Variants in NCOR2 observed in about 807,000 individuals in gnomAD.
NCOR2 encodes the protein CTG repeat protein 26.
Under a neutral mutation model 262.9 loss-of-function variants are expected in NCOR2, and 81 were observed. The observed-to-expected ratio is 0.31, with a 90% CI of 0.26 to 0.37. The LOEUF (loss-of-function observed/expected upper bound fraction) is 0.37, where lower values mean the gene tolerates loss of function less well. Ranked by LOEUF, NCOR2 falls within the 10% of genes least tolerant of loss-of-function variation. NCOR2 has a pLI of 1.00. For synonymous variants in NCOR2, 1,659 were observed against 1,559.3 expected (o/e 1.06, Z -1.51); for missense variants, 3,385 against 3,621.4 (o/e 0.93, Z 1.68).
At chr12:124,494,787 C>G (rs1490314117) in intron 1 of NCOR2, among the ~76,000 whole-genome samples, 2 of 152,176 alleles carry the variant, frequency 1.3e-5, no homozygotes. Flanking sequence ...CCACCCCAAT[C>G]CTACCCAATA....
At chr12:124,544,996 G>C (rs749193778) in intron 1 of NCOR2, among the ~76,000 whole-genome samples, 7 of 152,102 alleles carry the variant, frequency 4.6e-5, no homozygotes, top group Non-Finnish European at 1.5e-5. Flanking sequence ...CTTGCTTCTC[G>C]GAACCTCAGT....
chr12:124,407,487 C>G (rs1195958762), intron 13 of NCOR2, among the ~76,000 whole-genome samples: 1 of 152,160 alleles, frequency 6.6e-6, no homozygotes, highest in Non-Finnish European at 1.5e-5. Flanking sequence ...AGGAGGCATT[C>G]TGAGGGCGGT....
At chr12:124,552,692 G>T (rs1416932173) in intron 1 of NCOR2, among the ~76,000 whole-genome samples, 5 of 152,110 alleles carry the variant, frequency 3.3e-5, no homozygotes, top group Admixed American at 3.3e-4. Flanking sequence ...GGGTTAGGAG[G>T]TTTTTTGGTT....
At chr12:124,354,129 C>T (rs556087059) in exon 27 of NCOR2, 13 of 1,610,376 alleles carry the variant, frequency 8.1e-6, no homozygotes, top group Admixed American at 1.7e-5. Flanking sequence ...TGGCGCTGTC[C>T]GAGGGCACCC....
intron 1 of NCOR2, among the ~76,000 whole-genome samples, chr12:124,505,087 G>A (rs372271277): frequency 3.9e-5 from 6 of 152,164 alleles, no homozygotes; most frequent in Non-Finnish European, 5.9e-5. Flanking sequence ...AGCCATGGCC[G>A]GCTGGAAGTG....
At chr12:124,545,098 A>G (rs573917847) in intron 1 of NCOR2, among the ~76,000 whole-genome samples, 29 of 152,186 alleles carry the variant, frequency 1.9e-4, no homozygotes, top group Admixed American at 9.2e-4. Context: ...GAAGCTCACC[A>G]TCGGGGTTCA....
At chr12:124,501,963 C>T (rs987334532) in intron 1 of NCOR2, among the ~76,000 whole-genome samples, 5 of 152,226 alleles carry the variant, frequency 3.3e-5, no homozygotes, top group East Asian at 3.9e-4. Flanking sequence ...CTGGGATGTG[C>T]GCACAAGACG....
intron 40 of NCOR2, 98 bp from the exon 43 acceptor site, chr12:124,334,715 G>C: frequency 1.5e-6 from 1 of 651,640 alleles, no homozygotes; most frequent in East Asian, 3.0e-5. Context: ...GCAGAATCCT[G>C]GGTGGGGCCA....
At chr12:124,337,129 G>A in exon 38 of NCOR2, 3 of 1,513,722 alleles carry the variant, frequency 2.0e-6, no homozygotes, top group Non-Finnish European at 2.7e-6. Flanking sequence ...GGCAGTGGGT[G>A]GCAGGTGGGA....
intron 26 of NCOR2, 129 bp from the exon 29 acceptor site, chr12:124,354,325 C>A: frequency 8.6e-7 from 1 of 1,168,876 alleles, no homozygotes; most frequent in South Asian, 1.4e-5. Context: ...GAGGGAGTCC[C>A]CCTACCCCTA....
chr12:124,466,983 C>T (rs1469799713), intron 4 of NCOR2, among the ~76,000 whole-genome samples: 2 of 145,860 alleles, frequency 1.4e-5, no homozygotes, highest in African/African-American at 5.1e-5. Flanking sequence ...CCCCATCATC[C>T]TCATCCTCAT....
intron 1 of NCOR2, among the ~76,000 whole-genome samples, chr12:124,502,700 G>A (rs1437843395): frequency 1.3e-5 from 2 of 152,134 alleles, no homozygotes; most frequent in Non-Finnish European, 2.9e-5. Flanking sequence ...GAGCTAGGAA[G>A]GACACAGCTG....
chr12:124,373,677 C>CGT lies in NCOR2; in HGVS notation c.2218+734_2218+735dup, dbSNP rs1310204718. On this transcript the variant is annotated intron_variant, in intron 19 of 46. Transcript: ENST00000405201. ...ACAGTGGACAATCATGAGGCCAGTG[C>CGT]GTGCGCAGGGGCCCCGGGCACAGTG... Among the ~76,000 whole-genome samples, 13 of 117,322 alleles carry CGT rather than the reference C, an allele frequency of 1.1e-4. 2 individuals are homozygous for CGT. Among genetic ancestry groups the CGT allele is most frequent in the Middle Eastern group, 6.3e-3 (1 of 160 alleles). The allele number at this position is 117,322 out of a possible 152,430, so 77.0% of individuals were successfully genotyped here. A position where few individuals can be genotyped will look rare whatever the true frequency, so the allele number is the denominator to read the frequency against.
intron 5 of NCOR2, among the ~76,000 whole-genome samples, chr12:124,460,800 G>C (rs760405838): frequency 6.6e-6 from 1 of 152,218 alleles, no homozygotes; most frequent in Admixed American, 6.5e-5. Context: ...CTCCCATCTA[G>C]AACATTCCCC....
Position 124,440,545 on chromosome 12 carries a change from C to G in NCOR2, c.816-2549G>C, listed in dbSNP as rs527620339. ...AGCCCTCAGTTTCCTCATCTGAAAT[C>G]TATGGCATCGCAGCCTCATCTTCTG... is the stretch of plus-strand genomic sequence containing the variant. On this transcript the variant is annotated intron_variant, in intron 7 of 46. Coordinates refer to ENST00000405201, the Ensembl canonical transcript of NCOR2. The surrounding 1 kb of genome is among the most constrained non-coding windows in gnomAD (Gnocchi z 5.7). 9.8e-5 allele frequency among the ~76,000 whole-genome samples: 15 copies of G among 152,370 alleles called. No homozygotes were observed. Among genetic ancestry groups the G allele is most frequent in the African/African-American group, 3.4e-4 (14 of 41,592 alleles).
At chr12:124,458,618 T>C (rs2046004964) in intron 5 of NCOR2, among the ~76,000 whole-genome samples, 1 of 152,218 alleles carries the variant, frequency 6.6e-6, no homozygotes, top group African/African-American at 2.4e-5. Context: ...GTTCTTAACA[T>C]GTCAATTGCG....
exon 30 of NCOR2, chr12:124,347,835 G>A: frequency 6.4e-7 from 1 of 1,564,966 alleles, no homozygotes; most frequent in Non-Finnish European, 8.7e-7. Context: ...CTTGTGTGAT[G>A]GACCCGCGGA....
intron 1 of NCOR2, among the ~76,000 whole-genome samples, chr12:124,520,525 A>G (rs2050124472): frequency 6.6e-6 from 1 of 152,152 alleles, no homozygotes; most frequent in Non-Finnish European, 1.5e-5. Context: ...ACTGTGTGCT[A>G]TGGGCAGGTT....
intron 1 of NCOR2, among the ~76,000 whole-genome samples, chr12:124,514,970 G>A (rs933339200): frequency 4.0e-5 from 6 of 151,732 alleles, no homozygotes; most frequent in Admixed American, 6.6e-5. Flanking sequence ...CCTAAGCTAC[G>A]ACCCATGCCC....
Sources: allele counts gnomAD v4.1 joint callset (sites outside exome capture counted in the v4.1 genomes callset), GRCh38; gene constraint gnomAD v4.1.1; non-coding constraint Gnocchi (gnomAD v3.1); transcripts MANE v1.5; gene names NCBI Gene and HGNC (gene_info 2026-07-23, HGNC 2026-07-21).